Variants in PCDHGB3 observed in about 807,000 individuals in gnomAD.
The protein encoded by PCDHGB3 is protocadherin gamma-B3.
A neutral mutation model predicts 59.2 loss-of-function variants in PCDHGB3; 40 were observed. The ratio of observed to expected loss-of-function variants is 0.68; its 90% CI spans 0.52 to 0.88. The LOEUF (loss-of-function observed/expected upper bound fraction) is 0.88. Ranked by LOEUF, PCDHGB3 falls within the 40% of genes least tolerant of loss-of-function variation. The pLI, the probability that PCDHGB3 is intolerant of heterozygous loss-of-function variation, is 0.00. For synonymous variants in PCDHGB3, 581 were observed against 503.6 expected, an observed-to-expected ratio of 1.15 and a Z score of -2.06; for missense variants, 1,309 against 1,187.9, an observed-to-expected ratio of 1.10 and a Z score of -1.50.
intron 2 of PCDHGB3, among the ~76,000 whole-genome samples, chr5:141,502,200 C>T (rs553356132): frequency 6.6e-6 from 1 of 152,252 alleles, no homozygotes; most frequent in African/African-American, 2.4e-5. Flanking sequence ...AATATAGAAT[C>T]CACCAGCAGA....
At chr5:141,384,202 GA>G (rs1561601011) in intron 1 of PCDHGB3, 1 of 1,613,852 alleles carries the variant, frequency 6.2e-7, no homozygotes, top group Non-Finnish European at 8.5e-7. Flanking sequence ...CTTGTCCAGG[GA>G]AACTCACATA....
chr5:141,386,487 A>G (rs1374608231), intron 1 of PCDHGB3, among the ~76,000 whole-genome samples: 1 of 149,584 alleles, frequency 6.7e-6, no homozygotes, highest in African/African-American at 2.5e-5. Context: ...GCCCACCTAG[A>G]TAATATAACA....
In PCDHGB3 at chr5:141,490,745, C is replaced by T. The variant is rs769031787; in HGVS notation, c.2416-4062C>T. 22 of 1,614,120 alleles carry T rather than the reference C, an allele frequency of 1.4e-5. No individual in the cohort carries two copies. Among genetic ancestry groups the T allele is most frequent in the Non-Finnish European group, 1.9e-5 (22 of 1,180,050 alleles). On this transcript the variant is annotated intron_variant, in intron 1 of 3. Transcript: ENST00000576222. The surrounding 1 kb of genome is among the most constrained non-coding windows in gnomAD (Gnocchi z 5.4). Reference sequence around the variant, plus strand: ...GTAGGAAATCAGGTTCAGGGAGCCCCAGCCTCCTCCTTTGTGTATGTCAAC... The same window carrying T: ...GTAGGAAATCAGGTTCAGGGAGCCCTAGCCTCCTCCTTTGTGTATGTCAAC...
At chr5:141,420,945 G>C in intron 1 of PCDHGB3, 1 of 396,520 alleles carries the variant, frequency 2.5e-6, no homozygotes, top group South Asian at 5.1e-5. Flanking sequence ...ATTTCTTCTG[G>C]AATTTCTTAG....
chr5:141,405,332 T>C, intron 1 of PCDHGB3: 1 of 1,614,222 alleles, frequency 6.2e-7, no homozygotes, highest in Non-Finnish European at 8.5e-7. Flanking sequence ...TTTGTGCGTC[T>C]CTGTTGATTC....
chr5:141,458,718 C>T (rs569153299), intron 1 of PCDHGB3, among the ~76,000 whole-genome samples: 3 of 151,942 alleles, frequency 2.0e-5, no homozygotes, highest in African/African-American at 4.8e-5. Context: ...TACAGGTATT[C>T]GCCACCACAT....
At chr5:141,404,647 T>C (rs764645495) in intron 1 of PCDHGB3, 20 of 1,614,190 alleles carry the variant, frequency 1.2e-5, no homozygotes, top group Admixed American at 1.7e-5. Context: ...TCCTGTACCC[T>C]GCCCTCCCCA....
intron 1 of PCDHGB3, chr5:141,478,664 C>T (rs2099470287): frequency 1.3e-6 from 2 of 1,551,788 alleles, no homozygotes; most frequent in Non-Finnish European, 1.7e-6. Context: ...GATGCATTCA[C>T]ACTTTCAACT....
At chr5:141,394,662 T>C in intron 1 of PCDHGB3, 3 of 1,613,258 alleles carry the variant, frequency 1.9e-6, no homozygotes, top group African/African-American at 2.7e-5. Flanking sequence ...GCCGGGACTC[T>C]TCTCGGTGGG....
intron 1 of PCDHGB3, chr5:141,423,343 C>T: frequency 6.2e-7 from 1 of 1,614,208 alleles, no homozygotes; most frequent in South Asian, 1.1e-5. Flanking sequence ...CTGCATCTTC[C>T]TGGTCTTTGT....
At chr5:141,386,719 C>A (rs1487131983) in intron 1 of PCDHGB3, among the ~76,000 whole-genome samples, 1 of 152,104 alleles carries the variant, frequency 6.6e-6, no homozygotes, top group African/African-American at 2.4e-5. Flanking sequence ...CTGACACCAA[C>A]AATGTTACTG....
chr5:141,413,909 T>A (rs772084941), intron 1 of PCDHGB3: 1 of 1,613,316 alleles, frequency 6.2e-7, no homozygotes. Flanking sequence ...AACGCGCCGG[T>A]CTTCACCTTG....
rs1356357111 is a variant in PCDHGB3 at position 141,370,808 on chromosome 5, T to C, written c.414T>C (p.Thr138=). 2.5e-6 allele frequency: 4 copies of C among 1,613,950 alleles called. No individual in the cohort carries two copies. The African/African-American group carries it at 5.3e-5, about 22-fold the overall frequency. Residue 138 remains threonine (T), a synonymous_variant, in exon 1 of 4, where the codon ACT becomes ACC. Coordinates refer to ENST00000576222, the MANE Select transcript of PCDHGB3 (RefSeq NM_018924.5). ...CACCGACCTTTAGCCAAAATATCAC[T>C]GAGCTGGAAATCAGCGAACTGGCTC... ...DNPPTFSQNI[T]ELEISELALT...
chr5:141,508,409 G>T (rs143032030), intron 3 of PCDHGB3: 4 of 152,276 alleles, frequency 2.6e-5, no homozygotes, highest in South Asian at 2.1e-4. Context: ...CTTGAGCCAC[G>T]CAGAGACTTG....
rs1334965321 is a variant in PCDHGB3, at chr5:141,432,195, C to T, written c.2415+59386C>T. 3 of 1,614,088 alleles carry T rather than the reference C, an allele frequency of 1.9e-6. No homozygotes were observed. The Admixed American group carries it at 5.0e-5, about 27-fold the overall frequency. ...CTCGTCTCTGTGACCGCCCACGACC[C>T]CGACTGTGAAGAGAACGCCCAGATC... On this transcript the variant is annotated intron_variant, in intron 1 of 3. Transcript: ENST00000576222. This position sits in a 1 kb window ranked among gnomAD's most constrained non-coding sequence, Gnocchi z 6.0.
At chr5:141,404,215 G>T (rs1372288822) in intron 1 of PCDHGB3, 15 of 1,613,346 alleles carry the variant, frequency 9.3e-6, no homozygotes, top group Non-Finnish European at 1.3e-5. Context: ...ATAATATCAC[G>T]GTGACTGCAA....
chr5:141,493,204 C>T lies in PCDHGB3; in HGVS notation c.2416-1603C>T, dbSNP rs2099746929. Among the ~76,000 whole-genome samples, 1 of 152,216 alleles carries T rather than the reference C, an allele frequency of 6.6e-6. No individual in the cohort carries two copies. Among genetic ancestry groups the T allele is most frequent in the Non-Finnish European group, 1.5e-5 (1 of 68,042 alleles). Reference sequence around the variant, plus strand: ...TATATAACTCCTTTGAGAACCTCATCTCATTTGCTCTTCCCACCATTGCTG... The same window carrying T: ...TATATAACTCCTTTGAGAACCTCATTTCATTTGCTCTTCCCACCATTGCTG... On this transcript the variant is annotated intron_variant, in intron 1 of 3. Transcript: ENST00000576222. This position sits in a 1 kb window ranked among gnomAD's most constrained non-coding sequence, Gnocchi z 4.3.
intron 1 of PCDHGB3, among the ~76,000 whole-genome samples, chr5:141,373,166 C>G (rs1478798062): frequency 6.6e-6 from 1 of 152,196 alleles, no homozygotes; most frequent in African/African-American, 2.4e-5. Context: ...TTAATGCAGT[C>G]AATCCTAAAA....
intron 1 of PCDHGB3, chr5:141,400,341 C>A (rs754175136): frequency 6.2e-7 from 1 of 1,614,070 alleles, no homozygotes; most frequent in African/African-American, 1.3e-5. Flanking sequence ...TTCCCCCCAA[C>A]TACAGTCAGG....
Sources: gnomAD v4.1 joint callset for allele counts (sites outside exome capture counted in the v4.1 genomes callset) on GRCh38, gnomAD v4.1.1 for gene constraint, Gnocchi (gnomAD v3.1) non-coding constraint, MANE v1.5 for transcripts, NCBI Gene and HGNC (gene_info 2026-07-23, HGNC 2026-07-21) for gene names.